Variants in MARK4 observed in about 807,000 individuals in gnomAD.
The protein encoded by MARK4 is microtubule affinity regulating kinase 4, also known as MAP/microtubule affinity-regulating kinase 4.
In MARK4, 19 loss-of-function variants were observed where a neutral mutation model predicts 81.5. The observed-to-expected ratio is 0.23, with a 90% CI of 0.16 to 0.34. The LOEUF (loss-of-function observed/expected upper bound fraction) is 0.34. MARK4 is among the 10% of genes least tolerant of loss of function. The pLI is 1.00. For missense variants in MARK4, 772 were observed against 1,058.8 expected (o/e 0.73, Z 3.76); for synonymous variants, 436 against 439.0 (o/e 0.99, Z 0.08).
rs1231517644 is a variant in MARK4, at chr19:45,254,032, T to C, written c.51+2393T>C. Among the ~76,000 whole-genome samples the C allele has an allele frequency of 5.3e-5, 8 of 152,130 alleles. No individual in the cohort carries two copies. The South Asian group carries it at 1.2e-3, about 24-fold the overall frequency. ...ACTAAGACCTGCCTGTCAGTCCTGG[T>C]GGGGAGTCACTTGCCTGCCTCTGGA... On this transcript the variant is annotated intron_variant, in intron 1 of 16. Coordinates refer to ENST00000262891, the MANE Select transcript of MARK4 (RefSeq NM_001199867.2).
At chr19:45,272,585 A>T (rs12461037) in intron 8 of MARK4, among the ~76,000 whole-genome samples, 1 of 151,990 alleles carries the variant, frequency 6.6e-6, no homozygotes, top group Admixed American at 6.6e-5. Context: ...GTGATGAAAA[A>T]TGTTCTAAAA....
chr19:45,271,466 C>T lies in MARK4; in HGVS notation c.550-6C>T, dbSNP rs373954774. ...CACTTTCCGCCCTCTCCTTCTCTCCCTGCAGGCTGAGAACCTCTTGCTGGA... is the reference window on the plus strand; with the variant it reads ...CACTTTCCGCCCTCTCCTTCTCTCCTTGCAGGCTGAGAACCTCTTGCTGGA... On this transcript the variant is annotated splice_region_variant and splice_polypyrimidine_tract_variant and intron_variant, in intron 7 of 16. Coordinates refer to ENST00000262891, the MANE Select transcript of MARK4 (RefSeq NM_001199867.2). This position sits in a 1 kb window ranked among gnomAD's most constrained non-coding sequence, Gnocchi z 4.1. 633 of 1,613,600 alleles carry T rather than the reference C, an allele frequency of 3.9e-4. 1 individual carries two copies. The highest frequency in any genetic ancestry group is 5.2e-4 in the Non-Finnish European group (613 of 1,179,688).
chr19:45,287,882 CAAAG>C lies in MARK4; in HGVS notation c.1494+221_1494+224del, dbSNP rs1249862554. The C allele has an allele frequency of 8.1e-6, 5 of 619,224 alleles. No individual in the cohort carries two copies. The East Asian group carries it at 1.4e-4, about 17-fold the overall frequency. The allele number at this position is 619,224 out of a possible 1,614,324, so 38.4% of individuals were successfully genotyped here. On this transcript the variant is annotated intron_variant, in intron 13 of 16. Transcript: ENST00000262891. ...TAGCGTATAAATTAGTGTTCTGTGT[CAAAG>C]AAGTGCAGAACGTACTCTTGGCAGA...
In MARK4 at chr19:45,264,821, C is replaced by T. The variant is rs975707554; in HGVS notation, c.422-19C>T. ...GCCGCTGCACCTGACCCTGACCCCG[C>T]TCGGCCTCTGCCCTGCAGGAGAAGT... On this transcript the variant is annotated intron_variant, in intron 5 of 16. Coordinates refer to ENST00000262891, the MANE Select transcript of MARK4 (RefSeq NM_001199867.2). 2 of 1,614,126 alleles carry T rather than the reference C, an allele frequency of 1.2e-6. No individual in the cohort carries two copies. Among genetic ancestry groups the T allele is most frequent in the Non-Finnish European group, 1.7e-6 (2 of 1,179,996 alleles).
Position 45,277,333 on chromosome 19 carries a change from C to T in MARK4, c.787-590C>T, listed in dbSNP as rs545355387. On this transcript the variant is annotated intron_variant, in intron 8 of 16. Transcript: ENST00000262891. ...CCTCAGGCGATCTGCCTGTCTCGGC[C>T]TCCCAAAGTGCTGGGATTACAGGTG... Among the ~76,000 whole-genome samples, 6 of 152,268 alleles carry T rather than the reference C, an allele frequency of 3.9e-5. No individual in the cohort carries two copies. In the South Asian group the frequency reaches 6.2e-4, roughly 16 times the overall value.
chr19:45,278,683 A>C (rs1468404276), intron 10 of MARK4, 68 bp downstream of exon 10: 29 of 1,150,630 alleles, frequency 2.5e-5, no homozygotes, highest in Non-Finnish European at 3.4e-5. Context: ...GGCTCACTGC[A>C]ACCTCCGCCT....
rs1970520813 is a variant in MARK4, at chr19:45,271,069, C to A, written c.550-403C>A. On this transcript the variant is annotated intron_variant, in intron 7 of 16. Coordinates refer to ENST00000262891, the MANE Select transcript of MARK4 (RefSeq NM_001199867.2). This position sits in a 1 kb window ranked among gnomAD's most constrained non-coding sequence, Gnocchi z 4.1. ...ACAGGCGTGAGCCACGGTGCCCAGC[C>A]CAATTTTTGTATTTTTAGTAGAGAT... 6.6e-6 allele frequency among the ~76,000 whole-genome samples: 1 copy of A among 152,126 alleles called. No individual in the cohort carries two copies. Among genetic ancestry groups the A allele is most frequent in the Non-Finnish European group, 1.5e-5 (1 of 68,016 alleles).
intron 7 of MARK4, among the ~76,000 whole-genome samples, chr19:45,270,336 G>C (rs1266572011): frequency 1.3e-5 from 2 of 152,192 alleles, no homozygotes; most frequent in Non-Finnish European, 2.9e-5. Context: ...TTCTCCGAGA[G>C]TCTGTCGTTT....
intron 13 of MARK4, chr19:45,288,023 G>T (rs1038009582): frequency 2.0e-5 from 6 of 303,222 alleles, no homozygotes; most frequent in South Asian, 1.4e-4. Flanking sequence ...AGGATCACTT[G>T]AGGCCAGGAG....
At chr19:45,273,519 T>TC (rs1970559086) in intron 8 of MARK4, among the ~76,000 whole-genome samples, 1 of 152,214 alleles carries the variant, frequency 6.6e-6, no homozygotes, top group South Asian at 2.1e-4. Flanking sequence ...TATTTTTTTT[T>TC]CCCAGTCGGG....
intron 10 of MARK4, 152 bp from the exon 11 acceptor site, chr19:45,280,222 G>T (rs1467183213): frequency 1.5e-5 from 10 of 668,170 alleles, no homozygotes; most frequent in Non-Finnish European, 7.9e-6. Context: ...GATCAGCAGA[G>T]CCTGGGGAGG....
intron 14 of MARK4, among the ~76,000 whole-genome samples, chr19:45,295,510 C>A (rs1313652752): frequency 6.6e-6 from 1 of 152,116 alleles, no homozygotes; most frequent in Non-Finnish European, 1.5e-5. Context: ...CATGGTGGCT[C>A]ACACCTGTAA....
chr19:45,294,148 C>G (rs1970854802), intron 13 of MARK4, among the ~76,000 whole-genome samples: 1 of 152,140 alleles, frequency 6.6e-6, no homozygotes, highest in Non-Finnish European at 1.5e-5. Flanking sequence ...CTCCAGGGGT[C>G]TCCCCTGACT....
chr19:45,288,707 G>T (rs1175134464), intron 13 of MARK4, among the ~76,000 whole-genome samples: 3 of 151,664 alleles, frequency 2.0e-5, no homozygotes, highest in African/African-American at 7.3e-5. Flanking sequence ...AAAATTAGCT[G>T]GGCATGGTGG....
In MARK4 at chr19:45,289,642, C is replaced by T. The variant is rs566117025; in HGVS notation, c.1494+1978C>T. Among the ~76,000 whole-genome samples, 86 of 144,020 alleles carry T rather than the reference C, an allele frequency of 6.0e-4. 2 individuals are homozygous for T. The East Asian group carries it at 9.3e-3, about 16-fold the overall frequency. The allele number at this position is 144,020 out of a possible 152,430, so 94.5% of individuals were successfully genotyped here. On this transcript the variant is annotated intron_variant, in intron 13 of 16. Coordinates refer to ENST00000262891, the MANE Select transcript of MARK4 (RefSeq NM_001199867.2). ...AAACTTAGCCAGGCGTGGTGGTGCA[C>T]GCCTGTAATCCCAGCTACTCAGGAG... is the stretch of plus-strand genomic sequence containing the variant.
chr19:45,259,699 C>T (rs1256725056), intron 2 of MARK4, among the ~76,000 whole-genome samples: 1 of 152,104 alleles, frequency 6.6e-6, no homozygotes, highest in Non-Finnish European at 1.5e-5. Context: ...CGCTTGAGCT[C>T]AGGAGTTTGA....
chr19:45,295,664 AC>A (rs2123106140), intron 14 of MARK4, among the ~76,000 whole-genome samples: 1 of 152,270 alleles, frequency 6.6e-6, no homozygotes, highest in Admixed American at 6.5e-5. Flanking sequence ...AATCCCAGCT[AC>A]TCAGAAGGCT....
intron 13 of MARK4, among the ~76,000 whole-genome samples, chr19:45,289,593 A>AAC (rs1229473555): frequency 2.0e-5 from 3 of 150,806 alleles, no homozygotes; most frequent in African/African-American, 4.9e-5. Context: ...ACCATGGTGA[A>AAC]ACCCCATTTC....
chr19:45,264,080 C>A (rs998713414), intron 4 of MARK4, among the ~76,000 whole-genome samples: 1 of 152,136 alleles, frequency 6.6e-6, no homozygotes, highest in Non-Finnish European at 1.5e-5. Flanking sequence ...TTTGTTCATT[C>A]ATTCATTCAT....
Sources: allele counts gnomAD v4.1 joint callset (sites outside exome capture counted in the v4.1 genomes callset), GRCh38; gene constraint gnomAD v4.1.1; non-coding constraint Gnocchi (gnomAD v3.1); transcripts MANE v1.5; gene names NCBI Gene and HGNC (gene_info 2026-07-23, HGNC 2026-07-21).